The following DGLUCY variants were observed in gnomAD, a reference collection of about 807,000 sequenced individuals.
The protein encoded by DGLUCY is D-glutamate cyclase.
DGLUCY carries 58 observed loss-of-function variants against 58.5 expected under a neutral mutation model. That is an observed-to-expected ratio of 0.99 (90% CI 0.80 to 1.23). DGLUCY has a LOEUF of 1.23. Ranked by LOEUF, DGLUCY falls within the 50% of genes most tolerant of loss-of-function variation. DGLUCY has a pLI of 0.00. For missense variants in DGLUCY, 779 were observed against 784.7 expected (o/e 0.99, Z 0.09); for synonymous variants, 325 against 314.1 (o/e 1.03, Z -0.37).
At chr14:91,079,344 C>A (rs901249111) in intron 1 of DGLUCY, among the ~76,000 whole-genome samples, 1 of 150,882 alleles carries the variant, frequency 6.6e-6, no homozygotes, top group Non-Finnish European at 1.5e-5. Context: ...TTGTTTCTTT[C>A]TTTTCTTTTC....
intron 4 of DGLUCY, 167 bp downstream of exon 4, chr14:91,167,545 G>C (rs191054057): frequency 4.6e-6 from 4 of 868,716 alleles, no homozygotes; most frequent in Admixed American, 3.9e-5. Flanking sequence ...CCTCCCCACT[G>C]TTCTGACTCC....
chr14:91,073,069 A>G (rs2043950528), intron 1 of DGLUCY, among the ~76,000 whole-genome samples: 1 of 152,194 alleles, frequency 6.6e-6, no homozygotes, highest in African/African-American at 2.4e-5. Context: ...ATAAGATGGA[A>G]GATGGCTCCC....
At chr14:91,221,229 T>C (rs1021413662) in intron 13 of DGLUCY, among the ~76,000 whole-genome samples, 1 of 152,214 alleles carries the variant, frequency 6.6e-6, no homozygotes, top group Admixed American at 6.5e-5. Flanking sequence ...GACCCTGTTA[T>C]TCACATGCCC....
At chr14:91,177,303 T>A (rs2048916150) in intron 7 of DGLUCY, among the ~76,000 whole-genome samples, 1 of 152,224 alleles carries the variant, frequency 6.6e-6, no homozygotes, top group South Asian at 2.1e-4. Context: ...TCAGCCGTTT[T>A]GATTAAATAT....
At chr14:91,112,479 C>T (rs569930365), upstream of DGLUCY, among the ~76,000 whole-genome samples, 14 of 152,216 alleles carry the variant, frequency 9.2e-5, no homozygotes, top group South Asian at 1.4e-3. Context: ...CTTCGCAGAG[C>T]GTTGCCTGAG....
At chr14:91,191,516 G>A (rs1393706955) in intron 9 of DGLUCY, among the ~76,000 whole-genome samples, 2 of 152,062 alleles carry the variant, frequency 1.3e-5, no homozygotes, top group Non-Finnish European at 2.9e-5. Flanking sequence ...TGGAACTGAC[G>A]CCCCACTCCC....
intron 1 of DGLUCY, among the ~76,000 whole-genome samples, chr14:91,086,649 A>C (rs1318920188): frequency 1.3e-5 from 2 of 152,194 alleles, no homozygotes; most frequent in Non-Finnish European, 2.9e-5. Flanking sequence ...GAACCCACAG[A>C]TATAGAGGGC....
At chr14:91,178,441 G>A (rs890753572) in intron 7 of DGLUCY, among the ~76,000 whole-genome samples, 1 of 152,124 alleles carries the variant, frequency 6.6e-6, no homozygotes, top group African/African-American at 2.4e-5. Context: ...TGGGATTATA[G>A]TCGTGAGCCA....
chr14:91,067,238 CA>C (rs34166766), intron 1 of DGLUCY, among the ~76,000 whole-genome samples: 114 of 137,060 alleles, frequency 8.3e-4, no homozygotes, highest in Middle Eastern at 7.6e-3. Flanking sequence ...GAAAGGGAAC[CA>C]AAAAAAAAAA....
intron 1 of DGLUCY, among the ~76,000 whole-genome samples, chr14:91,119,132 A>G (rs2045191141): frequency 6.6e-6 from 1 of 152,160 alleles, no homozygotes; most frequent in African/African-American, 2.4e-5. Context: ...CATAATAGCT[A>G]AGAGGTAAAT....
intron 1 of DGLUCY, among the ~76,000 whole-genome samples, chr14:91,082,259 A>C (rs1271336085): frequency 6.6e-6 from 1 of 152,154 alleles, no homozygotes; most frequent in East Asian, 1.9e-4. Flanking sequence ...CCAAGATAAA[A>C]AGTGAGCCAC....
In DGLUCY at chr14:91,173,292, A is replaced by G. The variant is rs745610451; in HGVS notation, c.460A>G (p.Thr154Ala). ...ATTTTTTTTTTTTTTTGGTCAGACAACAGTGCCTTGTGTTACCCATGCTGG... is the reference window on the plus strand; with the variant it reads ...ATTTTTTTTTTTTTTTGGTCAGACAGCAGTGCCTTGTGTTACCCATGCTGG... ...GHSQAGAYKT[T>A]VPCVTHAGFC... is the part of the protein sequence containing the mutation. The change falls in exon 6 of 14, where the codon ACA becomes GCA. Residue 154 changes from threonine to alanine, a missense_variant. Transcript: ENST00000256324. 41 of 1,612,300 alleles carry G rather than the reference A, an allele frequency of 2.5e-5. No individual in the cohort carries two copies. Among genetic ancestry groups the G allele is most frequent in the Admixed American group, 5.0e-5 (3 of 59,814 alleles).
chr14:91,149,137 C>G (rs2047169415), intron 1 of DGLUCY, among the ~76,000 whole-genome samples: 1 of 151,598 alleles, frequency 6.6e-6, no homozygotes. Flanking sequence ...ATCCCAGCTA[C>G]TCGGGAGGCT....
At chr14:91,097,395 C>CA (rs1029755832) in intron 1 of DGLUCY, among the ~76,000 whole-genome samples, 78 of 149,798 alleles carry the variant, frequency 5.2e-4, no homozygotes, top group African/African-American at 1.3e-3. Flanking sequence ...GACACTGTCT[C>CA]AAAAAAAACA....
chr14:91,099,409 T>C (rs1361255007), intron 1 of DGLUCY, among the ~76,000 whole-genome samples: 1 of 151,730 alleles, frequency 6.6e-6, no homozygotes, highest in Non-Finnish European at 1.5e-5. Context: ...AGCATAAACA[T>C]GTAGTCCCAG....
intron 2 of DGLUCY, among the ~76,000 whole-genome samples, chr14:91,159,712 T>C (rs138564473): frequency 6.6e-6 from 1 of 152,286 alleles, no homozygotes; most frequent in African/African-American, 2.4e-5. Flanking sequence ...GAAACCTAAA[T>C]CTAAATAAGG....
At chr14:91,104,582 A>G (rs1409432348), upstream of DGLUCY, among the ~76,000 whole-genome samples, 1 of 152,116 alleles carries the variant, frequency 6.6e-6, no homozygotes, top group African/African-American at 2.4e-5. Flanking sequence ...AAGTTTGAGA[A>G]ACGACTTTCC....
At chr14:91,175,618 C>T in intron 6 of DGLUCY, 1 of 266,582 alleles carries the variant, frequency 3.8e-6, no homozygotes, top group Non-Finnish European at 7.6e-6. Context: ...AGGTCAACCC[C>T]CCAAGGCTGG....
upstream of DGLUCY, among the ~76,000 whole-genome samples, chr14:91,105,106 A>G (rs2044566615): frequency 6.6e-6 from 1 of 152,140 alleles, no homozygotes; most frequent in South Asian, 2.1e-4. Flanking sequence ...CACGAGGTCA[A>G]GAGTTTGAGA....
Sources: allele counts gnomAD v4.1 joint callset (sites outside exome capture counted in the v4.1 genomes callset), GRCh38; gene constraint gnomAD v4.1.1; transcripts MANE v1.5; gene names NCBI Gene and HGNC (gene_info 2026-07-23, HGNC 2026-07-21).